LPCAT3: variants seen among roughly 807,000 people sequenced by gnomAD.
LPCAT3 encodes lysophosphatidylcholine acyltransferase 3, also known as lysophospholipid acyltransferase 5.
A neutral mutation model predicts 63.4 loss-of-function variants in LPCAT3; 21 were observed. The ratio of observed to expected loss-of-function variants is 0.33; its 90% confidence interval spans 0.23 to 0.48. The LOEUF is 0.48. Ranked by LOEUF, LPCAT3 falls within the 20% of genes least tolerant of loss-of-function variation. The pLI is 0.99. For synonymous variants in LPCAT3, 242 were observed against 227.5 expected (o/e 1.06, Z -0.58); for missense variants, 451 against 590.6 (o/e 0.76, Z 2.45).
Position 6,977,061 on chromosome 12 carries a change from C to G in LPCAT3, c.*12+73G>C, listed in dbSNP as rs1555153298. The G allele has an allele frequency of 1.1e-6, 1 of 935,024 alleles. No homozygotes were observed. Among genetic ancestry groups the G allele is most frequent in the Non-Finnish European group, 1.7e-6 (1 of 577,666 alleles). 57.9% of individuals were successfully genotyped at this position (935,024 alleles called of 1,614,324 possible). A position where few individuals can be genotyped will look rare whatever the true frequency, so the allele number is the denominator to read the frequency against. On this transcript the variant is annotated intron_variant, in intron 12 of 12. Transcript: ENST00000261407. The surrounding 1 kb of genome is among the most constrained non-coding windows in gnomAD (Gnocchi z 4.5). ...TGGAATTCACCCCAGATTTCTAATA[C>G]TATTGTTTTTTTCCAGTCTGTTGCT...
At chr12:7,005,491 G>A (rs1298526174) in intron 1 of LPCAT3, among the ~76,000 whole-genome samples, 2 of 152,222 alleles carry the variant, frequency 1.3e-5, no homozygotes, top group African/African-American at 4.8e-5. Context: ...TGGTAACTGT[G>A]AACTTTTTGA....
In LPCAT3 at chr12:7,017,652, TA is replaced by T. The variant is rs1232742650; in HGVS notation, c.151+621del. Among the ~76,000 whole-genome samples, 1 of 152,194 alleles carries T rather than the reference TA, an allele frequency of 6.6e-6. No homozygotes were observed. Among genetic ancestry groups the T allele is most frequent in the Non-Finnish European group, 1.5e-5 (1 of 68,046 alleles). On this transcript the variant is annotated intron_variant, in intron 1 of 12. Transcript: ENST00000261407. The surrounding 1 kb of genome is among the most constrained non-coding windows in gnomAD (Gnocchi z 4.1). ...TATGGATCGATTTTAAGGAGGTTGTTAGTCCTGTTTCCCAAGTCCAGCATTA... is the reference window on the plus strand; with the variant it reads ...TATGGATCGATTTTAAGGAGGTTGTTGTCCTGTTTCCCAAGTCCAGCATTA...
At chr12:6,988,904 A>G (rs1591550191) in intron 1 of LPCAT3, among the ~76,000 whole-genome samples, 1 of 152,132 alleles carries the variant, frequency 6.6e-6, no homozygotes, top group Non-Finnish European at 1.5e-5. Context: ...AGGCAGGCGG[A>G]TCACCTGAGG....
At chr12:6,996,463 A>C in intron 1 of LPCAT3, among the ~76,000 whole-genome samples, 1 of 152,064 alleles carries the variant, frequency 6.6e-6, no homozygotes, top group East Asian at 1.9e-4. Context: ...GACATACCAT[A>C]TATCTTACTT....
chr12:7,004,426 G>A (rs1418701517), intron 1 of LPCAT3, among the ~76,000 whole-genome samples: 4 of 152,204 alleles, frequency 2.6e-5, no homozygotes, highest in African/African-American at 4.8e-5. Flanking sequence ...CTTATCTTAC[G>A]GAAGAGGAAG....
chr12:7,015,919 A>ATTATGTCAACAAACAAAAGTTGAATTCT (rs1199266930), intron 1 of LPCAT3, among the ~76,000 whole-genome samples: 1 of 152,210 alleles, frequency 6.6e-6, no homozygotes. Context: ...GCAATATGTG[A>ATTATGTCAACAAACAAAAGTTGAATTCT]TTATGTCAAC....
intron 1 of LPCAT3, among the ~76,000 whole-genome samples, chr12:6,998,653 A>G (rs1361410251): frequency 6.6e-6 from 1 of 152,234 alleles, no homozygotes. Context: ...CTAGAAGAGC[A>G]CTTGTAGATC....
chr12:6,988,115 G>C (rs1461645670), intron 1 of LPCAT3: 2 of 274,802 alleles, frequency 7.3e-6, no homozygotes, highest in East Asian at 6.0e-5. Context: ...CTTAGGCCTG[G>C]TAACATCTGT....
chr12:7,005,527 G>A (rs1385965140), intron 1 of LPCAT3, among the ~76,000 whole-genome samples: 1 of 152,226 alleles, frequency 6.6e-6, no homozygotes, highest in Non-Finnish European at 1.5e-5. Flanking sequence ...TTTTCCACAA[G>A]TGGCTGCACC....
intron 1 of LPCAT3, among the ~76,000 whole-genome samples, chr12:6,999,488 T>A (rs782560232): frequency 6.6e-6 from 1 of 152,366 alleles, no homozygotes; most frequent in African/African-American, 2.4e-5. Flanking sequence ...CCCAAAGGCC[T>A]ACCAAAATTC....
At chr12:7,010,426 G>A (rs1177400970) in intron 1 of LPCAT3, among the ~76,000 whole-genome samples, 9 of 152,066 alleles carry the variant, frequency 5.9e-5, no homozygotes, top group Non-Finnish European at 1.3e-4. Flanking sequence ...TTGATTGATT[G>A]ACTGACTGAG....
In LPCAT3 at chr12:6,976,728, A is replaced by T. The variant is rs1371720201; in HGVS notation, c.*176T>A. On this transcript the variant is annotated 3_prime_UTR_variant, in exon 13 of 13. Transcript: ENST00000261407. ...ACAAAGCAAGACGCCTTCTCCAAAA[A>T]AAAGTTTCCCCTTTGGCCCCAAATG... 1 of 160,358 alleles carries T rather than the reference A, an allele frequency of 6.2e-6. No homozygotes were observed. 9.9% of individuals were successfully genotyped at this position (160,358 alleles called of 1,614,324 possible). A position where few individuals can be genotyped will look rare whatever the true frequency, so the allele number is the denominator to read the frequency against.
At chr12:7,014,373 G>T (rs1316865006) in intron 1 of LPCAT3, among the ~76,000 whole-genome samples, 1 of 152,196 alleles carries the variant, frequency 6.6e-6, no homozygotes, top group Non-Finnish European at 1.5e-5. Flanking sequence ...GGAGTGATGA[G>T]ATCCAAGCTG....
intron 1 of LPCAT3, among the ~76,000 whole-genome samples, chr12:6,985,015 T>C (rs782317569): frequency 6.6e-6 from 1 of 151,962 alleles, no homozygotes; most frequent in African/African-American, 2.4e-5. Context: ...CTCAATTATT[T>C]GTTAAATAAG....
In LPCAT3 at chr12:7,016,386, C is replaced by T. The variant is rs781827546; in HGVS notation, c.151+1888G>A. Among the ~76,000 whole-genome samples the T allele has an allele frequency of 1.1e-4, 16 of 151,808 alleles. No homozygotes were observed. The South Asian group carries it at 1.7e-3, about 16-fold the overall frequency. ...TCACCTCCAGGGTTCAAGTGATTCT[C>T]CTGCCTCAGCCTCCCAAGTAGCTGG... On this transcript the variant is annotated intron_variant, in intron 1 of 12. Coordinates refer to ENST00000261407, the MANE Select transcript of LPCAT3 (RefSeq NM_005768.6).
chr12:6,997,582 TTTC>T (rs1166294210), intron 1 of LPCAT3, among the ~76,000 whole-genome samples: 5 of 151,206 alleles, frequency 3.3e-5, no homozygotes, highest in Non-Finnish European at 7.4e-5. Context: ...CATGGCTGAT[TTTC>T]TTTTCTTTTT....
In LPCAT3 at chr12:6,977,468, G is replaced by C; in HGVS notation, c.1246C>G (p.Leu416Val). ...TGCACCAAATAGTAGAAGGGCTGGA[G>C]GACAGTAATGGCGGCCAGCTTGCTC... is the stretch of plus-strand genomic sequence containing the variant. ...TLSKLAAITV[L>V]QPFYYLVQQT... is the part of the protein sequence containing the mutation. Residue 416 changes from leucine (L) to valine (V), a missense_variant, in exon 11 of 13, where the codon CTC becomes GTC. Transcript: ENST00000261407. This position sits in a 1 kb window ranked among gnomAD's most constrained non-coding sequence, Gnocchi z 4.5. The C allele has an allele frequency of 6.2e-7, 1 of 1,614,208 alleles. No homozygotes were observed. Among genetic ancestry groups the C allele is most frequent in the Non-Finnish European group, 8.5e-7 (1 of 1,180,042 alleles).
Position 6,987,447 on chromosome 12 carries a change from A to G in LPCAT3, c.152-3908T>C, listed in dbSNP as rs1946540546. 6.6e-6 allele frequency among the ~76,000 whole-genome samples: 1 copy of G among 152,234 alleles called. No homozygotes were observed. The highest frequency in any genetic ancestry group is 1.5e-5 in the Non-Finnish European group (1 of 68,024). On this transcript the variant is annotated intron_variant, in intron 1 of 12. Coordinates refer to ENST00000261407, the MANE Select transcript of LPCAT3 (RefSeq NM_005768.6). This position sits in a 1 kb window ranked among gnomAD's most constrained non-coding sequence, Gnocchi z 4.1. ...GAGCAAGGAAATAGGATCAAGTCTCATATATTTCACATGGGCAGAAATTTG... is the reference window on the plus strand; with the variant it reads ...GAGCAAGGAAATAGGATCAAGTCTCGTATATTTCACATGGGCAGAAATTTG...
At chr12:7,004,110 TAG>T (rs782390310) in intron 1 of LPCAT3, among the ~76,000 whole-genome samples, 52 of 152,280 alleles carry the variant, frequency 3.4e-4, no homozygotes, top group Middle Eastern at 3.4e-3. Context: ...TGTGAAGATA[TAG>T]AAAACCCGTT....
Sources: gnomAD v4.1 joint callset for allele counts (sites outside exome capture counted in the v4.1 genomes callset) on GRCh38, gnomAD v4.1.1 for gene constraint, Gnocchi (gnomAD v3.1) non-coding constraint, MANE v1.5 for transcripts, NCBI Gene and HGNC (gene_info 2026-07-23, HGNC 2026-07-21) for gene names.